ACSBG1: variants seen among roughly 807,000 people sequenced by gnomAD.
The protein encoded by ACSBG1 is acyl-CoA synthetase bubblegum family member 1.
A neutral mutation model predicts 80.2 loss-of-function variants in ACSBG1; 39 were observed. The ratio of observed to expected loss-of-function variants is 0.49; its 90% CI spans 0.38 to 0.64. The LOEUF (loss-of-function observed/expected upper bound fraction) is 0.64, where lower values mean the gene tolerates loss of function less well. Ranked by LOEUF, ACSBG1 falls within the 30% of genes least tolerant of loss-of-function variation. The probability of loss-of-function intolerance (pLI) is 0.00; values close to 1 mark genes in which losing one functional copy is unlikely to be tolerated. For missense variants in ACSBG1, 828 were observed against 966.4 expected (o/e 0.86, Z 1.90); for synonymous variants, 392 against 379.5 (o/e 1.03, Z -0.38).
chr15:78,197,986 T>C (rs1259375486), intron 2 of ACSBG1, among the ~76,000 whole-genome samples: 1 of 152,152 alleles, frequency 6.6e-6, no homozygotes, highest in Non-Finnish European at 1.5e-5. Flanking sequence ...AGGTGAGTCT[T>C]GGGATCTCCA....
chr15:78,197,590 A>T (rs545195543), intron 2 of ACSBG1, among the ~76,000 whole-genome samples: 1 of 151,930 alleles, frequency 6.6e-6, no homozygotes, highest in East Asian at 1.9e-4. Context: ...GTGGTGGTGC[A>T]CATCTGTAAT....
In ACSBG1 at chr15:78,191,664, G is replaced by A. The variant is rs1295133766; in HGVS notation, c.663+1842C>T. Among the ~76,000 whole-genome samples the A allele has an allele frequency of 3.9e-5, 6 of 152,282 alleles. No individual in the cohort carries two copies. In the East Asian group the frequency reaches 5.8e-4, roughly 15 times the overall value. The stretch of plus-strand genomic sequence containing the variant: ...ATTAATTTCAGGCAAACATCATCAA[G>A]GGATGCTAAAACCATCAGGAGAAAG... On this transcript the variant is annotated intron_variant, in intron 5 of 13. Coordinates refer to ENST00000258873, the MANE Select transcript of ACSBG1 (RefSeq NM_015162.5).
chr15:78,172,571 C>A lies in ACSBG1; in HGVS notation c.2089+1022G>T, dbSNP rs2074836781. On this transcript the variant is annotated intron_variant, in intron 13 of 13. Coordinates refer to ENST00000258873, the MANE Select transcript of ACSBG1 (RefSeq NM_015162.5). The surrounding 1 kb of genome is among the most constrained non-coding windows in gnomAD (Gnocchi z 4.1). Reference sequence around the variant, plus strand: ...AACTGGAAACTTTCTGTGTTAAAGTCATTATATTAACTGCTTAGTGAAGAC... The same window carrying A: ...AACTGGAAACTTTCTGTGTTAAAGTAATTATATTAACTGCTTAGTGAAGAC... 6.6e-6 allele frequency among the ~76,000 whole-genome samples: 1 copy of A among 152,212 alleles called. No homozygotes were observed. Among genetic ancestry groups the A allele is most frequent in the Non-Finnish European group, 1.5e-5 (1 of 68,032 alleles).
At chr15:78,195,854 C>T (rs1010212714) in intron 2 of ACSBG1, among the ~76,000 whole-genome samples, 3 of 152,104 alleles carry the variant, frequency 2.0e-5, no homozygotes, top group African/African-American at 7.2e-5. Context: ...AGACCCACCT[C>T]GCCTATTCTC....
intron 7 of ACSBG1, 36 bp downstream of exon 7, chr15:78,182,430 T>G: frequency 6.3e-7 from 1 of 1,585,136 alleles, no homozygotes; most frequent in Non-Finnish European, 8.6e-7. Context: ...CATAACCCCC[T>G]TGCACCCCCC....
intron 1 of ACSBG1, among the ~76,000 whole-genome samples, chr15:78,219,310 A>C (rs899523752): frequency 6.6e-6 from 1 of 151,800 alleles, no homozygotes; most frequent in Non-Finnish European, 1.5e-5. Flanking sequence ...TGGGAGGCTA[A>C]GGCAGGAGAA....
At chr15:78,199,529 AAGT>A (rs1351796779) in intron 2 of ACSBG1, among the ~76,000 whole-genome samples, 1 of 152,068 alleles carries the variant, frequency 6.6e-6, no homozygotes, top group Non-Finnish European at 1.5e-5. Context: ...TCTCTACAAA[AAGT>A]AGATCTTATC....
intron 2 of ACSBG1, among the ~76,000 whole-genome samples, chr15:78,196,984 A>G (rs990607174): frequency 6.6e-6 from 1 of 152,014 alleles, no homozygotes; most frequent in African/African-American, 2.4e-5. Context: ...GGATTGTTTG[A>G]GTATGGGAGG....
chr15:78,218,219 G>A (rs1319460537), intron 1 of ACSBG1, among the ~76,000 whole-genome samples: 1 of 146,246 alleles, frequency 6.8e-6, no homozygotes, highest in Non-Finnish European at 1.5e-5. Context: ...CTTCCAGGGA[G>A]ATGAGAAGAA....
chr15:78,183,501 C>T (rs1220247270), intron 5 of ACSBG1, among the ~76,000 whole-genome samples: 5 of 152,092 alleles, frequency 3.3e-5, no homozygotes, highest in Non-Finnish European at 4.4e-5. Flanking sequence ...CGCTTGAGCC[C>T]GGGAGGCAGA....
At chr15:78,173,074 A>C (rs551494449) in intron 13 of ACSBG1, among the ~76,000 whole-genome samples, 2 of 152,336 alleles carry the variant, frequency 1.3e-5, no homozygotes, top group South Asian at 2.1e-4. Context: ...AGCTGGGCGC[A>C]GTGGCTCACG....
chr15:78,199,322 C>T (rs916663271), intron 2 of ACSBG1, among the ~76,000 whole-genome samples: 22 of 151,642 alleles, frequency 1.5e-4, no homozygotes, highest in East Asian at 2.0e-4. Flanking sequence ...TGAGTTCAAA[C>T]GATCCTCCAG....
intron 1 of ACSBG1, chr15:78,209,223 C>A (rs1257103185): frequency 4.4e-6 from 2 of 456,084 alleles, no homozygotes; most frequent in Non-Finnish European, 8.8e-6. Flanking sequence ...ACACCTAGGC[C>A]CACCTGGCAG....
rs1336017720 is a variant in ACSBG1 at position 78,180,863 on chromosome 15, ATCT to A, written c.1142_1144del (p.Lys381del). 2 of 1,613,996 alleles carry A rather than the reference ATCT, an allele frequency of 1.2e-6. No individual in the cohort carries two copies. Among genetic ancestry groups the A allele is most frequent in the Non-Finnish European group, 1.7e-6 (2 of 1,180,002 alleles). Reference sequence around the variant, plus strand: ...CGCCACCTCCTGGATGCGCTCCATGATCTTCTCCCATACCCGGGGCACCCCCAT... The same window carrying A: ...CGCCACCTCCTGGATGCGCTCCATGATCTCCCATACCCGGGGCACCCCCAT... On this transcript the variant is annotated inframe_deletion, in exon 9 of 14. Transcript: ENST00000258873.
intron 1 of ACSBG1, chr15:78,209,288 T>A: frequency 2.2e-6 from 1 of 454,266 alleles, no homozygotes; most frequent in Non-Finnish European, 4.4e-6. Flanking sequence ...CAGAAGGTTA[T>A]GAAGGGAGGG....
intron 10 of ACSBG1, chr15:78,179,034 A>C: frequency 1.7e-6 from 1 of 586,706 alleles, no homozygotes; most frequent in East Asian, 2.9e-5. Context: ...GGAAGGAACA[A>C]ATGAAATGGT....
intron 1 of ACSBG1, among the ~76,000 whole-genome samples, chr15:78,231,277 C>T (rs56942697): frequency 0.17 from 25,417 of 147,976 alleles, 2,230 homozygotes; most frequent in Admixed American, 0.22. Context: ...TGCGCCACCA[C>T]GCCTGGCTAA....
intron 1 of ACSBG1, among the ~76,000 whole-genome samples, chr15:78,223,132 C>T (rs1290464033): frequency 5.3e-5 from 8 of 152,312 alleles, no homozygotes; most frequent in African/African-American, 1.9e-4. Context: ...CTGACTCTCT[C>T]AGGGCACATG....
Position 78,194,037 on chromosome 15 carries a change from G to C in ACSBG1, c.454-17C>G, listed in dbSNP as rs2075085592. 1 of 1,613,430 alleles carries C rather than the reference G, an allele frequency of 6.2e-7. No homozygotes were observed. The highest frequency in any genetic ancestry group is 1.3e-5 in the African/African-American group (1 of 74,932). ...CAGGCCGAGCTCCAGGTCAAAGGCA[G>C]ACAGGCCAGGTCAGCCGGGCAGGGA... On this transcript the variant is annotated splice_polypyrimidine_tract_variant and intron_variant, in intron 3 of 13. Coordinates refer to ENST00000258873, the MANE Select transcript of ACSBG1 (RefSeq NM_015162.5).
Sources: allele counts gnomAD v4.1 joint callset (sites outside exome capture counted in the v4.1 genomes callset), GRCh38; gene constraint gnomAD v4.1.1; non-coding constraint Gnocchi (gnomAD v3.1); transcripts MANE v1.5; gene names NCBI Gene and HGNC (gene_info 2026-07-23, HGNC 2026-07-21).